Variants in GAS2 observed in about 807,000 individuals in gnomAD.
GAS2 encodes the protein growth arrest specific 2, also known as growth arrest-specific protein 2.
A neutral mutation model predicts 37.5 loss-of-function variants in GAS2; 20 were observed. The ratio of observed to expected loss-of-function variants is 0.53; its 90% CI spans 0.37 to 0.77. GAS2 has a LOEUF of 0.77. GAS2 is among the 30% of genes least tolerant of loss of function. The probability of loss-of-function intolerance (pLI) is 0.00; values close to 1 mark genes in which losing one functional copy is unlikely to be tolerated. For synonymous variants in GAS2, 144 were observed against 132.2 expected (o/e 1.09, Z -0.61); for missense variants, 336 against 373.4 (o/e 0.90, Z 0.82).
intron 7 of GAS2, among the ~76,000 whole-genome samples, chr11:22,774,285 C>T (rs935461443): frequency 2.0e-5 from 3 of 152,186 alleles, no homozygotes; most frequent in Non-Finnish European, 2.9e-5. Context: ...TGAGCCACTG[C>T]GCCTGGCCTT....
At chr11:22,711,423 G>A (rs1245042263) in intron 3 of GAS2, among the ~76,000 whole-genome samples, 2 of 152,176 alleles carry the variant, frequency 1.3e-5, no homozygotes, top group African/African-American at 4.8e-5. Context: ...CACAGGGTGA[G>A]GTAAGCTCCT....
At chr11:22,686,228 C>T (rs1469667491) in intron 3 of GAS2, among the ~76,000 whole-genome samples, 2 of 152,014 alleles carry the variant, frequency 1.3e-5, no homozygotes, top group African/African-American at 2.4e-5. Flanking sequence ...TAAGTAGTAC[C>T]ATTGAACTAA....
chr11:22,812,163 C>T lies in GAS2; in HGVS notation c.*147C>T. The stretch of plus-strand genomic sequence containing the variant: ...ATATTGAAAAATGTTCAAAGAGTAG[C>T]ACTATTTATTTTTAATGCTTCTGTA... On this transcript the variant is annotated 3_prime_UTR_variant, in exon 8 of 8. Coordinates refer to ENST00000454584, the MANE Select transcript of GAS2 (RefSeq NM_001143830.3). 3.2e-6 allele frequency: 2 copies of T among 620,386 alleles called. No homozygotes were observed. The highest frequency in any genetic ancestry group is 2.8e-5 in the East Asian group (1 of 36,180). The allele number at this position is 620,386 out of a possible 1,614,324, so 38.4% of individuals were successfully genotyped here.
At chr11:22,770,103 CAT>C (rs1564880726) in intron 7 of GAS2, among the ~76,000 whole-genome samples, 1 of 152,068 alleles carries the variant, frequency 6.6e-6, no homozygotes, top group Non-Finnish European at 1.5e-5. Flanking sequence ...ACAATGAAAA[CAT>C]ATGGACAAGG....
At chr11:22,739,872 G>T (rs1223110023) in intron 5 of GAS2, among the ~76,000 whole-genome samples, 1 of 151,884 alleles carries the variant, frequency 6.6e-6, no homozygotes, top group East Asian at 1.9e-4. Context: ...AAGAGACGGG[G>T]TTATACTGTC....
chr11:22,746,090 G>A (rs2403751), intron 5 of GAS2, among the ~76,000 whole-genome samples: 78,628 of 152,066 alleles, frequency 0.52, 23,515 homozygotes, highest in Non-Finnish European at 0.66. Context: ...GCTGAGGTTG[G>A]AGGATCACTT....
intron 3 of GAS2, among the ~76,000 whole-genome samples, chr11:22,697,992 G>C (rs1192722757): frequency 2.6e-5 from 4 of 152,164 alleles, no homozygotes; most frequent in Non-Finnish European, 5.9e-5. Flanking sequence ...TTGAATAGGA[G>C]TGGTGAGAGA....
chr11:22,803,382 A>G (rs2134655833), intron 7 of GAS2, among the ~76,000 whole-genome samples: 1 of 152,278 alleles, frequency 6.6e-6, no homozygotes, highest in South Asian at 2.1e-4. Flanking sequence ...CCTATGAATC[A>G]TTTTAAATGA....
intron 7 of GAS2, among the ~76,000 whole-genome samples, chr11:22,785,712 CTA>C (rs1253757997): frequency 3.9e-5 from 6 of 152,030 alleles, no homozygotes; most frequent in African/African-American, 1.4e-4. Context: ...ATTCAAAGTC[CTA>C]GATATATGCT....
chr11:22,630,064 A>G (rs1248560342), intron 1 of GAS2, among the ~76,000 whole-genome samples: 1 of 151,760 alleles, frequency 6.6e-6, no homozygotes, highest in Non-Finnish European at 1.5e-5. Context: ...TTTTTTTATT[A>G]TACTGTAAGC....
intron 1 of GAS2, among the ~76,000 whole-genome samples, chr11:22,634,920 C>A (rs1212983947): frequency 6.6e-6 from 1 of 152,198 alleles, no homozygotes; most frequent in African/African-American, 2.4e-5. Flanking sequence ...AGACTCAAGA[C>A]CTCCTGGTTA....
upstream of GAS2, among the ~76,000 whole-genome samples, chr11:22,664,399 T>C (rs1269187906): frequency 6.6e-6 from 1 of 152,176 alleles, no homozygotes; most frequent in Non-Finnish European, 1.5e-5. Context: ...AGAAAATTCA[T>C]GTTTGAGACA....
At chr11:22,707,264 C>A (rs1319054238) in intron 3 of GAS2, among the ~76,000 whole-genome samples, 1 of 152,170 alleles carries the variant, frequency 6.6e-6, no homozygotes, top group South Asian at 2.1e-4. Context: ...TTCTTACACA[C>A]ATGTGCATTG....
At chr11:22,777,282 A>C (rs781431608) in intron 7 of GAS2, among the ~76,000 whole-genome samples, 3 of 152,182 alleles carry the variant, frequency 2.0e-5, no homozygotes, top group Non-Finnish European at 4.4e-5. Context: ...GTCAGACAAT[A>C]GGCATTACCT....
chr11:22,734,004 A>G (rs1852617347), intron 4 of GAS2, among the ~76,000 whole-genome samples: 4 of 151,762 alleles, frequency 2.6e-5, no homozygotes, highest in Admixed American at 2.6e-4. Flanking sequence ...TGTTCTTTTG[A>G]AAAAGATAAA....
At chr11:22,787,807 TC>T (rs773964327) in intron 7 of GAS2, among the ~76,000 whole-genome samples, 2 of 152,208 alleles carry the variant, frequency 1.3e-5, no homozygotes, top group Admixed American at 6.5e-5. Context: ...GCTAGGAGTT[TC>T]TTTCAATGTC....
intron 7 of GAS2, among the ~76,000 whole-genome samples, chr11:22,760,263 G>A (rs193265491): frequency 2.3e-4 from 35 of 152,058 alleles, no homozygotes; most frequent in African/African-American, 7.7e-4. Context: ...TTACAGGCAT[G>A]AGCCACCGCA....
At chr11:22,652,685 C>A (rs1457833814) in intron 1 of GAS2, among the ~76,000 whole-genome samples, 1 of 152,210 alleles carries the variant, frequency 6.6e-6, no homozygotes, top group Non-Finnish European at 1.5e-5. Flanking sequence ...CCCGATTTTC[C>A]AGGTGCCGTC....
At chr11:22,663,219 A>G (rs866586360), upstream of GAS2, among the ~76,000 whole-genome samples, 13 of 152,110 alleles carry the variant, frequency 8.5e-5, no homozygotes, top group African/African-American at 2.9e-4. Flanking sequence ...ACCTCCCACC[A>G]GGTCCCTCTC....
Sources: allele counts gnomAD v4.1 joint callset (sites outside exome capture counted in the v4.1 genomes callset), GRCh38; gene constraint gnomAD v4.1.1; transcripts MANE v1.5; gene names NCBI Gene and HGNC (gene_info 2026-07-23, HGNC 2026-07-21).